LRMDA: variants seen among roughly 807,000 people sequenced by gnomAD.
The protein encoded by LRMDA is leucine rich melanocyte differentiation associated.
LRMDA carries 18 observed loss-of-function variants against 29.8 expected under a neutral mutation model. The observed-to-expected ratio is 0.60, with a 90% CI of 0.42 to 0.90. LRMDA has a LOEUF of 0.90. LRMDA is among the 40% of genes least tolerant of loss of function. LRMDA has a pLI of 0.00. For synonymous variants in LRMDA, 125 were observed against 109.4 expected (o/e 1.14, Z -0.89); for missense variants, 273 against 273.9 (o/e 1.00, Z 0.02).
chr10:75,591,051 T>C (rs1200193269), intron 2 of LRMDA, among the ~76,000 whole-genome samples: 2 of 152,134 alleles, frequency 1.3e-5, no homozygotes, highest in African/African-American at 4.8e-5. Context: ...CAGCAGTCAT[T>C]TCTTTCTATA....
At chr10:75,970,215 T>C (rs112278717) in intron 2 of LRMDA, among the ~76,000 whole-genome samples, 203 of 152,322 alleles carry the variant, frequency 1.3e-3, no homozygotes, top group Non-Finnish European at 2.4e-3. Context: ...GACTATTAGA[T>C]TGAGCTCTGG....
At chr10:75,674,598 C>T (rs1185159172) in intron 2 of LRMDA, among the ~76,000 whole-genome samples, 1 of 152,154 alleles carries the variant, frequency 6.6e-6, no homozygotes, top group Non-Finnish European at 1.5e-5. Flanking sequence ...CTTAAAGAGG[C>T]CACCGCTTCA....
intron 5 of LRMDA, among the ~76,000 whole-genome samples, chr10:76,133,023 G>A (rs375718215): frequency 4.2e-5 from 5 of 117,820 alleles, no homozygotes; most frequent in South Asian, 5.5e-4. Context: ...GGGTTTCACC[G>A]TGTTAGCCAG....
At chr10:76,307,600 C>T (rs1840573945) in intron 5 of LRMDA, among the ~76,000 whole-genome samples, 1 of 152,138 alleles carries the variant, frequency 6.6e-6, no homozygotes, top group Non-Finnish European at 1.5e-5. Context: ...GAGCCAGGCT[C>T]AATCAGGTAG....
chr10:75,446,517 G>T (rs1844399216), intron 2 of LRMDA, among the ~76,000 whole-genome samples: 1 of 152,144 alleles, frequency 6.6e-6, no homozygotes, highest in African/African-American at 2.4e-5. Flanking sequence ...TATGAACACT[G>T]GGCAGAATCT....
intron 2 of LRMDA, among the ~76,000 whole-genome samples, chr10:75,799,718 G>C (rs975393200): frequency 2.1e-5 from 3 of 145,866 alleles, no homozygotes; most frequent in Non-Finnish European, 4.6e-5. Flanking sequence ...GTGTGTGTGT[G>C]TGTGTTTAGT....
intron 5 of LRMDA, among the ~76,000 whole-genome samples, chr10:76,181,316 G>A (rs1851045525): frequency 6.6e-6 from 1 of 152,154 alleles, no homozygotes; most frequent in Non-Finnish European, 1.5e-5. Context: ...CAATTGCTTT[G>A]TTTGTGCTTT....
intron 2 of LRMDA, among the ~76,000 whole-genome samples, chr10:75,443,546 G>C (rs1844355138): frequency 6.6e-6 from 1 of 152,110 alleles, no homozygotes; most frequent in South Asian, 2.1e-4. Context: ...TTGCATTCCA[G>C]GGATAAATCC....
At chr10:76,139,452 C>T (rs1374944208) in intron 5 of LRMDA, among the ~76,000 whole-genome samples, 1 of 152,102 alleles carries the variant, frequency 6.6e-6, no homozygotes, top group African/African-American at 2.4e-5. Flanking sequence ...CACATGCTTA[C>T]TTACTCTGGT....
chr10:75,623,416 A>G (rs765239112), intron 2 of LRMDA, among the ~76,000 whole-genome samples: 1 of 152,204 alleles, frequency 6.6e-6, no homozygotes, highest in Non-Finnish European at 1.5e-5. Flanking sequence ...CATTAAAGCC[A>G]AGAATTTTTC....
At chr10:76,230,730 CA>C (rs1852044039) in intron 5 of LRMDA, among the ~76,000 whole-genome samples, 1 of 152,132 alleles carries the variant, frequency 6.6e-6, no homozygotes. Flanking sequence ...TTGTCAATTT[CA>C]ACAACAAAGT....
chr10:76,481,971 A>G (rs1193914699), intron 6 of LRMDA, among the ~76,000 whole-genome samples: 1 of 151,918 alleles, frequency 6.6e-6, no homozygotes, highest in Non-Finnish European at 1.5e-5. Flanking sequence ...TGACTGTTAG[A>G]TGTTTCCACC....
chr10:75,440,780 A>G (rs1844317674), intron 2 of LRMDA, among the ~76,000 whole-genome samples: 1 of 152,214 alleles, frequency 6.6e-6, no homozygotes, highest in Non-Finnish European at 1.5e-5. Context: ...TCATAGCTGT[A>G]ATCCCAGCAG....
intron 2 of LRMDA, among the ~76,000 whole-genome samples, chr10:75,888,733 A>G (rs1174209158): frequency 1.3e-5 from 2 of 152,226 alleles, no homozygotes; most frequent in Non-Finnish European, 2.9e-5. Flanking sequence ...AAGATGTCGT[A>G]CTTCAAATGT....
At chr10:75,710,607 C>G (rs982878285) in intron 2 of LRMDA, among the ~76,000 whole-genome samples, 14 of 152,192 alleles carry the variant, frequency 9.2e-5, no homozygotes, top group African/African-American at 3.4e-4. Flanking sequence ...GCCTTTTTCC[C>G]CCCGCTTCCC....
intron 2 of LRMDA, among the ~76,000 whole-genome samples, chr10:75,979,252 G>C (rs1287443102): frequency 6.6e-6 from 1 of 152,178 alleles, no homozygotes; most frequent in African/African-American, 2.4e-5. Flanking sequence ...CATTTGAATA[G>C]AGCAGAAATT....
chr10:75,928,983 A>G (rs1323146399), intron 2 of LRMDA, among the ~76,000 whole-genome samples: 1 of 152,184 alleles, frequency 6.6e-6, no homozygotes, highest in Non-Finnish European at 1.5e-5. Context: ...CACGAATAAA[A>G]CATAGGTTGT....
At chr10:76,226,461 C>G (rs1228020118) in intron 5 of LRMDA, among the ~76,000 whole-genome samples, 1 of 151,928 alleles carries the variant, frequency 6.6e-6, no homozygotes, top group Non-Finnish European at 1.5e-5. Context: ...CACGTGCCTG[C>G]AATCCCAGCT....
chr10:76,191,863 C>G (rs1331649152), intron 5 of LRMDA, among the ~76,000 whole-genome samples: 1 of 152,190 alleles, frequency 6.6e-6, no homozygotes, highest in Non-Finnish European at 1.5e-5. Context: ...CCTTTTCCCA[C>G]ACAGGCCCTG....
Sources: gnomAD v4.1 joint callset for allele counts (sites outside exome capture counted in the v4.1 genomes callset) on GRCh38, gnomAD v4.1.1 for gene constraint, MANE v1.5 for transcripts, NCBI Gene and HGNC (gene_info 2026-07-23, HGNC 2026-07-21) for gene names.